The following SLTM variants were observed in gnomAD, a reference collection of about 807,000 sequenced individuals.
The protein encoded by SLTM is SAFB-like transcription modulator.
A neutral mutation model predicts 134.6 loss-of-function variants in SLTM; 43 were observed. The observed-to-expected ratio is 0.32, with a 90% CI of 0.25 to 0.41. SLTM has a LOEUF of 0.41. Ranked by LOEUF, SLTM falls within the 10% of genes least tolerant of loss-of-function variation. SLTM has a pLI of 1.00. For synonymous variants in SLTM, 424 were observed against 432.3 expected (o/e 0.98, Z 0.24); for missense variants, 1,055 against 1,288.8 (o/e 0.82, Z 2.78).
chr15:58,919,164 C>T (rs1366499267), intron 2 of SLTM, among the ~76,000 whole-genome samples: 2 of 152,194 alleles, frequency 1.3e-5, no homozygotes, highest in East Asian at 1.9e-4. Flanking sequence ...CCACCCACCT[C>T]GGCCTCCCAA....
intron 5 of SLTM, 148 bp downstream of exon 5, chr15:58,912,415 T>G (rs2141119721): frequency 1.3e-6 from 1 of 763,338 alleles, no homozygotes; most frequent in South Asian, 1.6e-5. Flanking sequence ...GCCAATAGTT[T>G]TAAGTACTTT....
chr15:58,888,133 T>C (rs1281426730), intron 17 of SLTM, among the ~76,000 whole-genome samples: 1 of 152,050 alleles, frequency 6.6e-6, no homozygotes, highest in Non-Finnish European at 1.5e-5. Context: ...AGCCTGGGAA[T>C]CAGAATGAGA....
intron 10 of SLTM, 66 bp from the exon 11 acceptor site, chr15:58,894,259 T>C: frequency 7.0e-7 from 1 of 1,433,806 alleles, no homozygotes; most frequent in Non-Finnish European, 9.6e-7. Flanking sequence ...ATAAGAAGTG[T>C]GCTAATGGCA....
intron 20 of SLTM, 45 bp from the exon 21 acceptor site, chr15:58,880,152 A>G (rs1294718825): frequency 1.3e-6 from 2 of 1,598,256 alleles, no homozygotes; most frequent in African/African-American, 2.7e-5. Context: ...ACAAAGAACA[A>G]ATCATCACTG....
At position 58,932,360 on chromosome 15, in the gene SLTM, G is replaced by C; in HGVS notation, c.246C>G (p.Gly82=). 1 of 1,609,846 alleles carries C rather than the reference G, an allele frequency of 6.2e-7. No individual in the cohort carries two copies. Among genetic ancestry groups the C allele is most frequent in the South Asian group, 1.1e-5 (1 of 90,988 alleles). ...TDTPNKKPTK[G]KGKKHEADEL... ...ATGTTCATAACTCGTAACAACCTTT[G>C]CCTTTAGTTGGTTTCTTGTTTGGAG... Residue 82 remains glycine, a synonymous_variant, in exon 2 of 21, where the codon GGC becomes GGG. Transcript: ENST00000380516.
intron 3 of SLTM, among the ~76,000 whole-genome samples, chr15:58,915,331 G>A (rs772935928): frequency 1.3e-5 from 2 of 152,108 alleles, no homozygotes; most frequent in South Asian, 2.1e-4. Context: ...ACTATTGTTC[G>A]TCTCAATAGA....
rs570612545 is a variant in SLTM at position 58,883,824 on chromosome 15, G to A, written c.2836-38C>T. The A allele has an allele frequency of 5.2e-5, 83 of 1,608,342 alleles. 2 individuals are homozygous for A. The Admixed American group carries it at 1.1e-3, about 22-fold the overall frequency. ...CATATGAAAAGTCACTTGGCCGGGC[G>A]CAGTGGCTCATACCTATAATCTCAG... On this transcript the variant is annotated intron_variant, in intron 19 of 20. Transcript: ENST00000380516.
intron 14 of SLTM, among the ~76,000 whole-genome samples, chr15:58,892,451 G>A (rs2034732853): frequency 6.6e-6 from 1 of 152,182 alleles, no homozygotes; most frequent in Non-Finnish European, 1.5e-5. Context: ...TCAGATTACA[G>A]TATTTGAACA....
At chr15:58,895,814 G>A (rs1425184778) in intron 9 of SLTM, among the ~76,000 whole-genome samples, 2 of 152,078 alleles carry the variant, frequency 1.3e-5, no homozygotes, top group East Asian at 3.9e-4. Flanking sequence ...ACACCTACAA[G>A]AACCTCCTTT....
intron 19 of SLTM, among the ~76,000 whole-genome samples, chr15:58,884,091 C>G (rs2033974480): frequency 6.7e-6 from 1 of 150,126 alleles, no homozygotes; most frequent in Non-Finnish European, 1.5e-5. Flanking sequence ...AAGAGTGAAA[C>G]CCCATCTCAA....
At chr15:58,932,583 G>T (rs2037954144) in intron 1 of SLTM, 140 bp from the exon 2 acceptor site, 1 of 593,786 alleles carries the variant, frequency 1.7e-6, no homozygotes, top group Non-Finnish European at 3.0e-6. Flanking sequence ...CTTCAAAAAT[G>T]AGCAATTAAA....
chr15:58,886,218 A>AGAGT (rs1399550406), intron 19 of SLTM, among the ~76,000 whole-genome samples: 23 of 124,472 alleles, frequency 1.8e-4, no homozygotes, highest in Admixed American at 4.3e-4. Context: ...GAAAAAGAAG[A>AGAGT]GTGTGTGTGT....
intron 19 of SLTM, among the ~76,000 whole-genome samples, chr15:58,884,917 G>A (rs898850163): frequency 6.6e-5 from 10 of 152,148 alleles, no homozygotes; most frequent in Admixed American, 6.5e-5. Flanking sequence ...TTACAGCCAC[G>A]AGCCACCAGG....
chr15:58,890,558 T>C, intron 14 of SLTM, 97 bp from the exon 15 acceptor site: 1 of 1,279,208 alleles, frequency 7.8e-7, no homozygotes, highest in Non-Finnish European at 1.1e-6. Context: ...GTTGGCAATT[T>C]TAAATTTCAA....
chr15:58,913,716 T>G lies in SLTM; in HGVS notation c.316-20A>C, dbSNP rs367565216. On this transcript the variant is annotated intron_variant, in intron 3 of 20. Transcript: ENST00000380516. Reference sequence around the variant, plus strand: ...ACAGTCCTTTTAATGGTAAGAAAATTTGGTACAACTAGAGGCAAAGTAGTG... The same window carrying G: ...ACAGTCCTTTTAATGGTAAGAAAATGTGGTACAACTAGAGGCAAAGTAGTG... 3 of 1,608,898 alleles carry G rather than the reference T, an allele frequency of 1.9e-6. No individual in the cohort carries two copies. Among genetic ancestry groups the G allele is most frequent in the Non-Finnish European group, 2.5e-6 (3 of 1,176,528 alleles).
chr15:58,901,180 T>C, intron 6 of SLTM, 80 bp downstream of exon 6: 4 of 1,058,940 alleles, frequency 3.8e-6, no homozygotes, highest in Non-Finnish European at 4.2e-6. Flanking sequence ...AAAAATAAGA[T>C]TTCAAATAAG....
chr15:58,880,255 C>A, intron 20 of SLTM, 148 bp from the exon 21 acceptor site: 1 of 1,072,894 alleles, frequency 9.3e-7, no homozygotes, highest in Non-Finnish European at 1.2e-6. Flanking sequence ...GCTAACCCCA[C>A]TTTACTGAAG....
Position 58,887,106 on chromosome 15 carries a change from C to T in SLTM, c.2704G>A (p.Glu902Lys). Residue 902 changes from glutamate (E) to lysine (K), a missense_variant, in exon 19 of 21, where the codon GAA becomes AAA. Glu to Lys is a moderately conservative substitution (Grantham distance 56). Transcript: ENST00000380516. ...CCTGATACTTCTCTCCCAGATCGTT[C>T]TGGCCTTTCAACTCTGTTAAACAAA... ...DKRETRVERP[E>K]RSGREVSGHS... 6.2e-7 allele frequency: 1 copy of T among 1,614,144 alleles called. No individual in the cohort carries two copies. Among genetic ancestry groups the T allele is most frequent in the Non-Finnish European group, 8.5e-7 (1 of 1,180,018 alleles).
chr15:58,931,684 G>A (rs1316934894), intron 2 of SLTM, among the ~76,000 whole-genome samples: 1 of 152,100 alleles, frequency 6.6e-6, no homozygotes, highest in Non-Finnish European at 1.5e-5. Flanking sequence ...ACTGCAAAAC[G>A]TTCATTTAAA....
Sources: allele counts gnomAD v4.1 joint callset (sites outside exome capture counted in the v4.1 genomes callset), GRCh38; gene constraint gnomAD v4.1.1; transcripts MANE v1.5; gene names NCBI Gene and HGNC (gene_info 2026-07-23, HGNC 2026-07-21).